Variants in LAMTOR4 observed in about 807,000 individuals in gnomAD.
LAMTOR4 encodes late endosomal/lysosomal adaptor, MAPK and MTOR activator 4.
A neutral mutation model predicts 13.5 loss-of-function variants in LAMTOR4; 11 were observed. The ratio of observed to expected loss-of-function variants is 0.82; its 90% CI spans 0.51 to 1.35. The LOEUF (loss-of-function observed/expected upper bound fraction) is 1.35, where lower values mean the gene tolerates loss of function less well. Ranked by LOEUF, LAMTOR4 falls within the 40% of genes most tolerant of loss-of-function variation. LAMTOR4 has a pLI of 0.00. For synonymous variants in LAMTOR4, 69 were observed against 52.3 expected (o/e 1.32, Z -1.38); for missense variants, 128 against 126.2 (o/e 1.01, Z -0.07).
chr7:100,152,198 T>C (rs986471238), intron 2 of LAMTOR4, among the ~76,000 whole-genome samples: 4 of 152,054 alleles, frequency 2.6e-5, no homozygotes, highest in Admixed American at 6.6e-5. Flanking sequence ...TCACTTGAGG[T>C]TGGGAGTTCG....
At position 100,153,949 on chromosome 7, in the gene LAMTOR4, G is replaced by A. The variant is rs1482608064; in HGVS notation, c.285G>A (p.Glu95=). The A allele has an allele frequency of 6.3e-7, 1 of 1,587,098 alleles. No homozygotes were observed. Among genetic ancestry groups the A allele is most frequent in the South Asian group, 1.2e-5 (1 of 86,810 alleles). ...TGAAGAGGCAGAACCGAGGTCGGGA[G>A]CCCATTGATGTCTGAGCCTGCCGGA... ...FVVKRQNRGR[E]PIDV The change falls in exon 4 of 4, where the codon GAG becomes GAA. Residue 95 remains glutamate, a synonymous_variant. Transcript: ENST00000341942.
At chr7:100,153,759 G>A in intron 3 of LAMTOR4, 108 bp from the exon 4 acceptor site, 1 of 844,614 alleles carries the variant, frequency 1.2e-6, no homozygotes, top group African/African-American at 1.7e-5. Context: ...CTTTGGCTTT[G>A]ATCCCAGCCA....
At chr7:100,150,695 A>C (rs1444726213) in intron 2 of LAMTOR4, among the ~76,000 whole-genome samples, 1 of 152,170 alleles carries the variant, frequency 6.6e-6, no homozygotes, top group African/African-American at 2.4e-5. Flanking sequence ...TCATTAAGAG[A>C]TGAGACTGGG....
chr7:100,150,997 CAA>C (rs949766186), intron 2 of LAMTOR4, among the ~76,000 whole-genome samples: 6 of 122,584 alleles, frequency 4.9e-5, no homozygotes, highest in Non-Finnish European at 8.9e-5. Context: ...TCAAAAAAAA[CAA>C]AAAAAAAAAG....
chr7:100,153,499 C>T lies in LAMTOR4; in HGVS notation c.184C>T (p.Pro62Ser). ...CCGGCTGCACCGCGGCATGAATGTG[C>T]CCTTCAAGCGCCTGTCTGGTGAGCC... ...GFRLHRGMNV[P>S]FKRLSVVFGE... is the part of the protein sequence containing the mutation. Residue 62 changes from proline to serine, a missense_variant, in exon 3 of 4, where the codon CCC (proline) becomes TCC (serine). Physicochemically the swap from Pro to Ser is moderately conservative, Grantham distance 74. Coordinates refer to ENST00000341942, the MANE Select transcript of LAMTOR4 (RefSeq NM_001008395.4). 1 of 1,607,614 alleles carries T rather than the reference C, an allele frequency of 6.2e-7. No individual in the cohort carries two copies. Among genetic ancestry groups the T allele is most frequent in the Non-Finnish European group, 8.5e-7 (1 of 1,179,944 alleles).
chr7:100,154,180 T>G lies in LAMTOR4; in HGVS notation c.*216T>G, dbSNP rs1258096611. On this transcript the variant is annotated 3_prime_UTR_variant, in exon 4 of 4. Transcript: ENST00000341942. ...CCCTTTGTGCTCCCTCACTCCCTAA[T>G]AAACATGAGTCTGATGTTCTCCAGC... is the stretch of plus-strand genomic sequence containing the variant. 9.2e-6 allele frequency: 5 copies of G among 546,434 alleles called. No individual in the cohort carries two copies. Among genetic ancestry groups the G allele is most frequent in the African/African-American group, 1.9e-5 (1 of 52,712 alleles). The allele number at this position is 546,434 out of a possible 1,614,324, so 33.8% of individuals were successfully genotyped here.
chr7:100,149,219 C>T, intron 1 of LAMTOR4: 1 of 607,590 alleles, frequency 1.6e-6, no homozygotes, highest in South Asian at 2.0e-5. Context: ...AAGAGAGGGT[C>T]TGGGGGCAGG....
intron 2 of LAMTOR4, 64 bp from the exon 3 acceptor site, chr7:100,153,336 C>T (rs1584613538): frequency 1.7e-6 from 2 of 1,170,264 alleles, no homozygotes; most frequent in South Asian, 1.3e-5. Flanking sequence ...GGGACTGTGC[C>T]TGGAATTCCT....
chr7:100,151,495 T>C (rs1295947985), intron 2 of LAMTOR4, among the ~76,000 whole-genome samples: 1 of 151,642 alleles, frequency 6.6e-6, no homozygotes, highest in Non-Finnish European at 1.5e-5. Flanking sequence ...TTCACGCCAT[T>C]CTCCTGCCTC....
intron 2 of LAMTOR4, chr7:100,152,649 C>G (rs374333515): frequency 2.0e-5 from 3 of 152,186 alleles, no homozygotes; most frequent in East Asian, 3.8e-4. Context: ...ATCACTTACT[C>G]TAGGGGTCAA....
At position 100,148,951 on chromosome 7, in the gene LAMTOR4, T is replaced by G. The variant is rs775743011; in HGVS notation, c.-22T>G. Reference sequence around the variant, plus strand: ...GGAAGCTACCTATCTGGTAGGGAGCTCCCCCAGCACCGAAGACTGCGATGG... The same window carrying G: ...GGAAGCTACCTATCTGGTAGGGAGCGCCCCCAGCACCGAAGACTGCGATGG... On this transcript the variant is annotated 5_prime_UTR_variant, in exon 1 of 4. Coordinates refer to ENST00000341942, the MANE Select transcript of LAMTOR4 (RefSeq NM_001008395.4). 2 of 1,611,640 alleles carry G rather than the reference T, an allele frequency of 1.2e-6. No individual in the cohort carries two copies. The highest frequency in any genetic ancestry group is 3.3e-5 in the Admixed American group (2 of 59,954).
intron 1 of LAMTOR4, chr7:100,149,246 A>G (rs867067297): frequency 3.0e-5 from 18 of 604,652 alleles, no homozygotes; most frequent in South Asian, 7.9e-5. Flanking sequence ...TGGGGCAGCA[A>G]AGGCCCCTTG....
rs768158658 is a variant in LAMTOR4 at position 100,153,357 on chromosome 7, G to A, written c.85-43G>A. On this transcript the variant is annotated intron_variant, in intron 2 of 3. Coordinates refer to ENST00000341942, the MANE Select transcript of LAMTOR4 (RefSeq NM_001008395.4). ...GTGCCTGGAATTCCTTCCTGAGCCT[G>A]TGCCGTAATGCCCGCCCCTCTCCCT... 4 of 1,371,130 alleles carry A rather than the reference G, an allele frequency of 2.9e-6. No individual in the cohort carries two copies. The African/African-American group carries it at 4.3e-5, about 15-fold the overall frequency. The allele number at this position is 1,371,130 out of a possible 1,614,324, so 84.9% of individuals were successfully genotyped here. A position where few individuals can be genotyped will look rare whatever the true frequency, so the allele number is the denominator to read the frequency against.
At chr7:100,150,695 A>T (rs1444726213) in intron 2 of LAMTOR4, among the ~76,000 whole-genome samples, 1 of 152,170 alleles carries the variant, frequency 6.6e-6, no homozygotes, top group African/African-American at 2.4e-5. Context: ...TCATTAAGAG[A>T]TGAGACTGGG....
Position 100,153,791 on chromosome 7 carries a change from A to G in LAMTOR4, c.203-76A>G, listed in dbSNP as rs1318625526. 4.6e-5 allele frequency: 48 copies of G among 1,040,614 alleles called. 1 individual carries two copies. The Admixed American group carries it at 9.1e-4, about 20-fold the overall frequency. 64.5% of individuals were successfully genotyped at this position (1,040,614 alleles called of 1,614,324 possible). A position where few individuals can be genotyped will look rare whatever the true frequency, so the allele number is the denominator to read the frequency against. ...GCCAATGTGCGTGTGGCCCCGCCCC[A>G]TGGAGTCTGTTGCACCCACTAACTC... is the stretch of plus-strand genomic sequence containing the variant. On this transcript the variant is annotated intron_variant, in intron 3 of 3. Coordinates refer to ENST00000341942, the MANE Select transcript of LAMTOR4 (RefSeq NM_001008395.4).
Position 100,154,027 on chromosome 7 carries a change from C to CA in LAMTOR4, c.*64dup. On this transcript the variant is annotated 3_prime_UTR_variant, in exon 4 of 4. Coordinates refer to ENST00000341942, the MANE Select transcript of LAMTOR4 (RefSeq NM_001008395.4). ...TCCTGGGCCTCTGTGATGAGGCAGGCACACCTGTCGGTCTTGGCTTGCTGC... is the reference window on the plus strand; with the variant it reads ...TCCTGGGCCTCTGTGATGAGGCAGGCAACACCTGTCGGTCTTGGCTTGCTGC... 3 of 1,264,808 alleles carry CA rather than the reference C, an allele frequency of 2.4e-6. No homozygotes were observed. In the East Asian group the frequency reaches 7.5e-5, roughly 32 times the overall value. The allele number at this position is 1,264,808 out of a possible 1,614,324, so 78.3% of individuals were successfully genotyped here.
At chr7:100,152,225 C>T (rs1486885554) in intron 2 of LAMTOR4, among the ~76,000 whole-genome samples, 1 of 152,106 alleles carries the variant, frequency 6.6e-6, no homozygotes, top group African/African-American at 2.4e-5. Context: ...CCCTAGCCAA[C>T]ATGGTGAAAC....
rs779592683 is a variant in LAMTOR4, at chr7:100,148,935, C to T, written c.-38C>T. The T allele has an allele frequency of 2.5e-6, 4 of 1,612,096 alleles. No individual in the cohort carries two copies. Among genetic ancestry groups the T allele is most frequent in the South Asian group, 1.1e-5 (1 of 91,082 alleles). ...ACCGGGGCCTGAAGCCGGAAGCTACCTATCTGGTAGGGAGCTCCCCCAGCA... is the reference window on the plus strand; with the variant it reads ...ACCGGGGCCTGAAGCCGGAAGCTACTTATCTGGTAGGGAGCTCCCCCAGCA... On this transcript the variant is annotated 5_prime_UTR_variant, in exon 1 of 4. Transcript: ENST00000341942.
At chr7:100,152,385 G>A (rs907097983) in intron 2 of LAMTOR4, among the ~76,000 whole-genome samples, 1 of 148,382 alleles carries the variant, frequency 6.7e-6, no homozygotes, top group African/African-American at 2.5e-5. Context: ...CTGGGTGATA[G>A]AGTGAGACTC....
Sources: allele counts gnomAD v4.1 joint callset (sites outside exome capture counted in the v4.1 genomes callset), GRCh38; gene constraint gnomAD v4.1.1; transcripts MANE v1.5; gene names NCBI Gene and HGNC (gene_info 2026-07-23, HGNC 2026-07-21).